ADAMTSL1: variants seen among roughly 807,000 people sequenced by gnomAD.
The protein encoded by ADAMTSL1 is ADAMTS-like protein 1.
ADAMTSL1 carries 126 observed loss-of-function variants against 201.8 expected under a neutral mutation model. The observed-to-expected ratio is 0.62, with a 90% CI of 0.54 to 0.72. ADAMTSL1 has a LOEUF of 0.72. Ranked by LOEUF, ADAMTSL1 falls within the 30% of genes least tolerant of loss-of-function variation. ADAMTSL1 has a pLI of 0.00. For missense variants in ADAMTSL1, 2,679 were observed against 2,277.8 expected, an observed-to-expected ratio of 1.18 and a Z score of -3.59; for synonymous variants, 1,121 against 903.4, an observed-to-expected ratio of 1.24 and a Z score of -4.32.
intron 2 of ADAMTSL1, among the ~76,000 whole-genome samples, chr9:18,204,018 A>T (rs147842089): frequency 2.0e-4 from 30 of 152,310 alleles, no homozygotes; most frequent in African/African-American, 7.0e-4. Flanking sequence ...GAAGTCTGTC[A>T]TCTTGAGCAG....
At chr9:18,763,229 A>G (rs1412066411) in intron 16 of ADAMTSL1, among the ~76,000 whole-genome samples, 1 of 152,012 alleles carries the variant, frequency 6.6e-6, no homozygotes, top group Non-Finnish European at 1.5e-5. Flanking sequence ...ATCTCATTGT[A>G]GTTTTGATTT....
At chr9:17,946,610 A>G (rs1421980381) in intron 1 of ADAMTSL1, among the ~76,000 whole-genome samples, 1 of 152,142 alleles carries the variant, frequency 6.6e-6, no homozygotes, top group African/African-American at 2.4e-5. Flanking sequence ...AATTAAAAAT[A>G]GGAATTCTTT....
At chr9:18,672,124 G>C (rs576719464) in intron 9 of ADAMTSL1, among the ~76,000 whole-genome samples, 42 of 151,484 alleles carry the variant, frequency 2.8e-4, no homozygotes, top group African/African-American at 9.9e-4. Context: ...TTTTCTTGTA[G>C]AGAGAGATGT....
chr9:18,052,655 A>G (rs1821990512), intron 1 of ADAMTSL1, among the ~76,000 whole-genome samples: 1 of 152,202 alleles, frequency 6.6e-6, no homozygotes, highest in African/African-American at 2.4e-5. Flanking sequence ...AGGATGAAAG[A>G]TGATTTCATA....
At chr9:18,747,950 G>A (rs1819241759) in intron 15 of ADAMTSL1, among the ~76,000 whole-genome samples, 1 of 152,198 alleles carries the variant, frequency 6.6e-6, no homozygotes. Context: ...CACACTTGAG[G>A]CTGGGCAAAG....
In ADAMTSL1 at chr9:18,711,160, C is replaced by T. The variant is rs551549452; in HGVS notation, c.1876+4112C>T. ...GAAAATATACATTTCTTGTTGTAGG[C>T]ACCCACTGTATACATGACTATAAAC... On this transcript the variant is annotated intron_variant, in intron 14 of 28. Transcript: ENST00000380548. Among the ~76,000 whole-genome samples, 48 of 152,330 alleles carry T rather than the reference C, an allele frequency of 3.2e-4. 1 individual carries two copies. Among genetic ancestry groups the T allele is most frequent in the African/African-American group, 9.9e-4 (41 of 41,560 alleles).
chr9:18,587,008 C>T (rs1345139396), intron 4 of ADAMTSL1, among the ~76,000 whole-genome samples: 4 of 151,868 alleles, frequency 2.6e-5, no homozygotes, highest in African/African-American at 7.3e-5. Context: ...TGGAAGACAA[C>T]GTAGGCAATA....
intron 2 of ADAMTSL1, among the ~76,000 whole-genome samples, chr9:18,381,443 G>A (rs1416203727): frequency 5.1e-4 from 78 of 152,090 alleles, no homozygotes; most frequent in Non-Finnish European, 1.9e-4. Flanking sequence ...TAAAGCTATG[G>A]CTTAGAAAAG....
At chr9:18,160,014 C>T (rs1827316076) in intron 1 of ADAMTSL1, among the ~76,000 whole-genome samples, 1 of 152,006 alleles carries the variant, frequency 6.6e-6, no homozygotes, top group African/African-American at 2.4e-5. Context: ...CTATGTCCCT[C>T]TGAAACATCT....
chr9:18,182,285 T>TAA (rs1266490259), intron 2 of ADAMTSL1, among the ~76,000 whole-genome samples: 3 of 124,194 alleles, frequency 2.4e-5, no homozygotes, highest in Admixed American at 8.0e-5. Flanking sequence ...ACTTAAAGTA[T>TAA]AAAAAAAAAA....
chr9:17,996,835 T>C (rs1279305935), intron 1 of ADAMTSL1, among the ~76,000 whole-genome samples: 2 of 152,282 alleles, frequency 1.3e-5, no homozygotes, highest in South Asian at 2.1e-4. Flanking sequence ...GTAAGCCCAC[T>C]GGGGCAAGGC....
chr9:18,828,930 C>T (rs1467070110), intron 22 of ADAMTSL1, among the ~76,000 whole-genome samples: 1 of 151,822 alleles, frequency 6.6e-6, no homozygotes, highest in African/African-American at 2.4e-5. Context: ...AATGACCATC[C>T]ATTTCAAGAG....
intron 1 of ADAMTSL1, among the ~76,000 whole-genome samples, chr9:18,478,037 G>A (rs1338292890): frequency 6.6e-6 from 1 of 152,092 alleles, no homozygotes; most frequent in South Asian, 2.1e-4. Flanking sequence ...TTGTGCATTT[G>A]TATGTTTTAA....
At chr9:18,223,127 T>G (rs1830324616) in intron 2 of ADAMTSL1, among the ~76,000 whole-genome samples, 1 of 152,090 alleles carries the variant, frequency 6.6e-6, no homozygotes, top group African/African-American at 2.4e-5. Context: ...TATCTCAAAA[T>G]CTGCTTCTTC....
intron 2 of ADAMTSL1, among the ~76,000 whole-genome samples, chr9:18,236,176 T>C (rs561073007): frequency 1.1e-3 from 162 of 152,256 alleles, no homozygotes; most frequent in African/African-American, 3.7e-3. Context: ...GTTCAAGCAA[T>C]TCTGCTCCCT....
intron 1 of ADAMTSL1, among the ~76,000 whole-genome samples, chr9:18,111,319 C>G (rs1210986432): frequency 2.0e-5 from 3 of 152,084 alleles, no homozygotes; most frequent in African/African-American, 7.2e-5. Context: ...TTGCAGTGGG[C>G]AAAACCCCAG....
intron 1 of ADAMTSL1, among the ~76,000 whole-genome samples, chr9:17,957,754 C>A (rs1338834744): frequency 2.0e-5 from 3 of 152,074 alleles, no homozygotes; most frequent in Non-Finnish European, 4.4e-5. Flanking sequence ...AGAAGAGGAG[C>A]AGACATGAGA....
At chr9:18,174,142 G>A in intron 2 of ADAMTSL1, among the ~76,000 whole-genome samples, 1 of 152,144 alleles carries the variant, frequency 6.6e-6, no homozygotes, top group East Asian at 1.9e-4. Flanking sequence ...CCAAAGAATA[G>A]TTTATTGCTT....
chr9:18,270,368 A>G (rs1286416720), intron 2 of ADAMTSL1, among the ~76,000 whole-genome samples: 1 of 152,106 alleles, frequency 6.6e-6, no homozygotes, highest in African/African-American at 2.4e-5. Flanking sequence ...GGGGAACACA[A>G]ACGTTCAGAC....
Sources: gnomAD v4.1 joint callset for allele counts (sites outside exome capture counted in the v4.1 genomes callset) on GRCh38, gnomAD v4.1.1 for gene constraint, MANE v1.5 for transcripts, NCBI Gene and HGNC (gene_info 2026-07-23, HGNC 2026-07-21) for gene names.